Variants in KLRF1 observed in about 807,000 individuals in gnomAD.
KLRF1 encodes the protein killer cell lectin like receptor F1.
In KLRF1, 27 loss-of-function variants were observed where a neutral mutation model predicts 30.7. The observed-to-expected ratio is 0.88, with a 90% CI of 0.65 to 1.21. KLRF1 has a LOEUF of 1.21. KLRF1 is among the 50% of genes most tolerant of loss of function. The pLI is 0.00. For missense variants in KLRF1, 246 were observed against 259.3 expected, an observed-to-expected ratio of 0.95 and a Z score of 0.35; for synonymous variants, 92 against 89.3, an observed-to-expected ratio of 1.03 and a Z score of -0.17.
At chr12:9,829,472 G>C (rs1324306204) in intron 1 of KLRF1, among the ~76,000 whole-genome samples, 1 of 152,058 alleles carries the variant, frequency 6.6e-6, no homozygotes, top group Non-Finnish European at 1.5e-5. Flanking sequence ...ATAATGAGGG[G>C]CCAAGTGTGG....
At chr12:9,824,561 C>T (rs1051073524), upstream of KLRF1, among the ~76,000 whole-genome samples, 2 of 152,066 alleles carry the variant, frequency 1.3e-5, no homozygotes, top group African/African-American at 2.4e-5. Flanking sequence ...GCACAAGACA[C>T]GAATGCCCAC....
chr12:9,813,868 G>A, the KLRF1 span, among the ~76,000 whole-genome samples: 1 of 152,024 alleles, frequency 6.6e-6, no homozygotes, highest in Non-Finnish European at 1.5e-5. Context: ...ACTAGGATGG[G>A]GAGCTGCCTG....
intron 3 of KLRF1, among the ~76,000 whole-genome samples, chr12:9,838,965 T>C (rs1867645697): frequency 6.6e-6 from 1 of 152,090 alleles, no homozygotes; most frequent in East Asian, 1.9e-4. Context: ...CTAATTTATA[T>C]ATTAAAACTT....
the KLRF1 span, among the ~76,000 whole-genome samples, chr12:9,807,349 T>A: frequency 6.6e-6 from 1 of 152,108 alleles, no homozygotes; most frequent in African/African-American, 2.4e-5. Flanking sequence ...TATATTAACC[T>A]TCTTACTTAC....
chr12:9,805,294 C>T, the KLRF1 span, among the ~76,000 whole-genome samples: 2 of 151,918 alleles, frequency 1.3e-5, no homozygotes, highest in African/African-American at 4.8e-5. Flanking sequence ...CTGGTCTCTG[C>T]TTCCAAGATG....
chr12:9,837,600 CA>C (rs1227338462), intron 3 of KLRF1, among the ~76,000 whole-genome samples: 1 of 152,110 alleles, frequency 6.6e-6, no homozygotes, highest in East Asian at 1.9e-4. Context: ...TGAAACAGCT[CA>C]TTCCCCGGCT....
chr12:9,820,249 C>T, the KLRF1 span, among the ~76,000 whole-genome samples: 1 of 152,168 alleles, frequency 6.6e-6, no homozygotes, highest in East Asian at 1.9e-4. Context: ...ACTGTTGATA[C>T]CTTCAGGTAC....
upstream of KLRF1, among the ~76,000 whole-genome samples, chr12:9,826,409 G>C (rs1324846999): frequency 1.3e-5 from 2 of 151,966 alleles, no homozygotes; most frequent in African/African-American, 2.4e-5. Context: ...TGGAGAAAAG[G>C]GTTCACTTAT....
chr12:9,809,421 G>A, the KLRF1 span, among the ~76,000 whole-genome samples: 2 of 152,042 alleles, frequency 1.3e-5, no homozygotes, highest in Admixed American at 1.3e-4. Flanking sequence ...ATATGTAAAT[G>A]CCTACTTTTA....
At chr12:9,830,819 T>C (rs940097224) in intron 1 of KLRF1, among the ~76,000 whole-genome samples, 1 of 152,148 alleles carries the variant, frequency 6.6e-6, no homozygotes, top group Admixed American at 6.5e-5. Context: ...TCCATTTTAT[T>C]ATTTCTGGTT....
the KLRF1 span, among the ~76,000 whole-genome samples, chr12:9,811,985 C>T: frequency 6.6e-6 from 1 of 152,154 alleles, no homozygotes; most frequent in Non-Finnish European, 1.5e-5. Flanking sequence ...TGAACTATAG[C>T]GTACAAAAAT....
intron 1 of KLRF1, 67 bp downstream of exon 1, chr12:9,827,696 C>A: frequency 1.1e-6 from 1 of 883,510 alleles, no homozygotes; most frequent in Non-Finnish European, 1.8e-6. Context: ...TATCCTGTTC[C>A]ATTGTGTTAT....
chr12:9,828,083 TA>T, intron 1 of KLRF1, among the ~76,000 whole-genome samples: 1 of 150,304 alleles, frequency 6.7e-6, no homozygotes, highest in East Asian at 1.9e-4. Flanking sequence ...GTTTTAATGC[TA>T]TTTTTTTTTT....
intron 3 of KLRF1, among the ~76,000 whole-genome samples, chr12:9,833,900 A>ATTTTTTTTTTTTTTT (rs1867506421): frequency 8.3e-6 from 1 of 120,748 alleles, no homozygotes; most frequent in African/African-American, 4.0e-5. Flanking sequence ...TAAATGTTTA[A>ATTTTTTTTTTTTTTT]CTTTTTTTTT....
chr12:9,801,052 G>A, the KLRF1 span, among the ~76,000 whole-genome samples: 1 of 151,824 alleles, frequency 6.6e-6, no homozygotes, highest in Non-Finnish European at 1.5e-5. Context: ...CTGTGTCCAT[G>A]TGTTCTCATT....
chr12:9,831,840 G>T (rs370895213), intron 1 of KLRF1, among the ~76,000 whole-genome samples: 2 of 152,146 alleles, frequency 1.3e-5, no homozygotes, highest in East Asian at 1.9e-4. Flanking sequence ...GGGTTTTTTT[G>T]ATTAAAATAG....
chr12:9,811,382 G>T, the KLRF1 span, among the ~76,000 whole-genome samples: 2 of 148,570 alleles, frequency 1.3e-5, no homozygotes, highest in Non-Finnish European at 3.0e-5. Context: ...AAACTGTCCA[G>T]GCTGGTAACA....
At chr12:9,842,051 T>G in intron 4 of KLRF1, 100 bp downstream of exon 4, 1 of 1,333,098 alleles carries the variant, frequency 7.5e-7, no homozygotes, top group South Asian at 1.4e-5. Flanking sequence ...TTACCTTGAT[T>G]ATCGAGTTTT....
rs1026124582 is a variant in KLRF1, at chr12:9,833,284, A to T, written c.185-19A>T. 1.3e-6 allele frequency: 2 copies of T among 1,561,044 alleles called. No homozygotes were observed. The highest frequency in any genetic ancestry group is 4.7e-5 in the East Asian group (2 of 42,370). On this transcript the variant is annotated intron_variant, in intron 2 of 5. Coordinates refer to ENST00000617889, the MANE Select transcript of KLRF1 (RefSeq NM_016523.3). ...TAGAGAAGATATTTACCTAACCTTAAAATAGTCCTGTATTCAAGTTTCTCA... is the reference window on the plus strand; with the variant it reads ...TAGAGAAGATATTTACCTAACCTTATAATAGTCCTGTATTCAAGTTTCTCA...
Sources: gnomAD v4.1 joint callset for allele counts (sites outside exome capture counted in the v4.1 genomes callset) on GRCh38, gnomAD v4.1.1 for gene constraint, MANE v1.5 for transcripts, NCBI Gene and HGNC (gene_info 2026-07-23, HGNC 2026-07-21) for gene names.